The following NTN1 variants were observed in gnomAD, a reference collection of about 807,000 sequenced individuals.
NTN1 encodes the protein netrin 1, also known as netrin-1.
NTN1 carries 11 observed loss-of-function variants against 54.2 expected under a neutral mutation model. The observed-to-expected ratio is 0.20, with a 90% CI of 0.13 to 0.34. NTN1 has a LOEUF of 0.34. NTN1 is among the 10% of genes least tolerant of loss of function. The pLI, the probability that NTN1 is intolerant of heterozygous loss-of-function variation, is 1.00. For missense variants in NTN1, 740 were observed against 893.1 expected, an observed-to-expected ratio of 0.83 and a Z score of 2.18; for synonymous variants, 371 against 382.0, an observed-to-expected ratio of 0.97 and a Z score of 0.33.
At position 9,162,964 on chromosome 17, in the gene NTN1, C is replaced by T. The variant is rs1567725510; in HGVS notation, c.1170C>T (p.Asp390=). 1 of 1,613,242 alleles carries T rather than the reference C, an allele frequency of 6.2e-7. No individual in the cohort carries two copies. The highest frequency in any genetic ancestry group is 8.5e-7 in the Non-Finnish European group (1 of 1,179,628). The change falls in exon 3 of 7, where the codon GAC becomes GAT. Residue 390 remains aspartate, a synonymous_variant. Transcript: ENST00000173229. ...ACTGCAAGGAGGGCTACTACCGCGA[C>T]ATGGGCAAGCCCATCACCCACCGGA... ...CHYCKEGYYR[D]MGKPITHRKA... is the part of the protein sequence containing the mutation.
At chr17:9,238,218 G>C (rs1419820334) in intron 6 of NTN1, among the ~76,000 whole-genome samples, 1 of 152,194 alleles carries the variant, frequency 6.6e-6, no homozygotes, top group Non-Finnish European at 1.5e-5. Context: ...AAGTGGGGAA[G>C]TGATGACTGC....
intron 6 of NTN1, among the ~76,000 whole-genome samples, chr17:9,223,775 T>A (rs1415226462): frequency 1.3e-5 from 2 of 152,132 alleles, no homozygotes; most frequent in African/African-American, 4.8e-5. Context: ...CGCAGCACTG[T>A]CCTCCTAGCA....
intron 2 of NTN1, among the ~76,000 whole-genome samples, chr17:9,122,928 C>T (rs1407417665): frequency 2.0e-5 from 3 of 152,104 alleles, no homozygotes; most frequent in African/African-American, 7.2e-5. Flanking sequence ...ACCATGACTC[C>T]GTTAATCAGG....
intron 2 of NTN1, among the ~76,000 whole-genome samples, chr17:9,121,234 C>A (rs564301433): frequency 6.6e-6 from 1 of 152,284 alleles, no homozygotes; most frequent in East Asian, 1.9e-4. Context: ...CCTTCTTTTC[C>A]TAGAGGCCGT....
At chr17:9,053,071 C>A (rs2091966137) in intron 2 of NTN1, among the ~76,000 whole-genome samples, 1 of 152,204 alleles carries the variant, frequency 6.6e-6, no homozygotes, top group Non-Finnish European at 1.5e-5. Flanking sequence ...CAAACTGTAG[C>A]CCGTGGGCCA....
intron 2 of NTN1, among the ~76,000 whole-genome samples, chr17:9,124,500 A>G (rs1009941733): frequency 2.0e-5 from 3 of 152,208 alleles, no homozygotes; most frequent in Non-Finnish European, 2.9e-5. Flanking sequence ...GCAGGGCCTA[A>G]TATGGGCTTG....
chr17:9,030,637 T>C (rs185283359), intron 2 of NTN1, among the ~76,000 whole-genome samples: 1 of 151,526 alleles, frequency 6.6e-6, no homozygotes, highest in Admixed American at 6.6e-5. Context: ...CCCAGCTACT[T>C]GGGAGGCTGA....
intron 3 of NTN1, among the ~76,000 whole-genome samples, chr17:9,164,858 G>C (rs11651361): frequency 0.13 from 19,719 of 152,184 alleles, 1,805 homozygotes; most frequent in East Asian, 0.37. Context: ...TGAATGGGAA[G>C]GTGGCCCAGG....
chr17:9,221,291 C>A lies in NTN1; in HGVS notation c.1486+49C>A. On this transcript the variant is annotated intron_variant, in intron 6 of 6. Transcript: ENST00000173229. The surrounding 1 kb of genome is among the most constrained non-coding windows in gnomAD (Gnocchi z 4.5). ...GGGAGGATGGGAGGGGGCCACGTGA[C>A]CAGCGAGGTGCTGGGGCTGGGGTGC... 6.8e-7 allele frequency: 1 copy of A among 1,461,864 alleles called. No homozygotes were observed. Among genetic ancestry groups the A allele is most frequent in the Non-Finnish European group, 9.6e-7 (1 of 1,041,892 alleles). 90.6% of individuals were successfully genotyped at this position (1,461,864 alleles called of 1,614,324 possible).
chr17:9,104,988 G>A (rs2092161335), intron 2 of NTN1, among the ~76,000 whole-genome samples: 3 of 152,252 alleles, frequency 2.0e-5, no homozygotes, highest in Non-Finnish European at 4.4e-5. Flanking sequence ...AGTGGGGCAG[G>A]GGTGGGGTGA....
At chr17:9,187,654 C>CAA (rs763852001) in intron 5 of NTN1, among the ~76,000 whole-genome samples, 2,753 of 52,696 alleles carry the variant, frequency 0.052, 164 homozygotes, top group East Asian at 0.15. Flanking sequence ...CTCATCTCTC[C>CAA]AAAAAAAAAA....
chr17:9,059,796 C>G (rs1240652076), intron 2 of NTN1, among the ~76,000 whole-genome samples: 1 of 145,442 alleles, frequency 6.9e-6, no homozygotes, highest in Non-Finnish European at 1.5e-5. Flanking sequence ...TTAAATGACT[C>G]ATTTTATGTT....
chr17:9,049,825 G>A (rs1162625326), intron 2 of NTN1, among the ~76,000 whole-genome samples: 5 of 152,152 alleles, frequency 3.3e-5, no homozygotes, highest in African/African-American at 9.7e-5. Context: ...TCGATTTTCG[G>A]GTTTTGATCA....
intron 5 of NTN1, among the ~76,000 whole-genome samples, chr17:9,214,618 C>T (rs887280220): frequency 6.5e-4 from 99 of 152,256 alleles, no homozygotes; most frequent in Non-Finnish European, 1.6e-4. Flanking sequence ...GTTAGGAGAT[C>T]GAGACCATCC....
intron 4 of NTN1, among the ~76,000 whole-genome samples, chr17:9,182,545 G>A (rs1363037608): frequency 1.3e-5 from 2 of 152,340 alleles, no homozygotes; most frequent in East Asian, 3.9e-4. Context: ...GATGAGCAGG[G>A]CCCAGGTAGC....
At chr17:9,214,081 G>C (rs1412245850) in intron 5 of NTN1, among the ~76,000 whole-genome samples, 1 of 150,252 alleles carries the variant, frequency 6.7e-6, no homozygotes, top group Non-Finnish European at 1.5e-5. Context: ...TATTTTTTCT[G>C]TATTCTACTA....
At chr17:9,227,657 T>TCAA (rs137860749) in intron 6 of NTN1, among the ~76,000 whole-genome samples, 2 of 147,488 alleles carry the variant, frequency 1.4e-5, no homozygotes, top group African/African-American at 5.0e-5. Flanking sequence ...CACCATCACA[T>TCAA]ACCACACACA....
chr17:9,215,458 T>G lies in NTN1; in HGVS notation c.1412-5710T>G, dbSNP rs186799604. 1.7e-3 allele frequency among the ~76,000 whole-genome samples: 258 copies of G among 152,352 alleles called. 1 individual carries two copies. The highest frequency in any genetic ancestry group is 5.6e-3 in the African/African-American group (232 of 41,586). On this transcript the variant is annotated intron_variant, in intron 5 of 6. Transcript: ENST00000173229. Reference sequence around the variant, plus strand: ...CACAGAGATATCAATCACATCACCTTGTGTTTATGCCATCACTTTCCCCTG... The same window carrying G: ...CACAGAGATATCAATCACATCACCTGGTGTTTATGCCATCACTTTCCCCTG...
intron 2 of NTN1, among the ~76,000 whole-genome samples, chr17:9,071,701 T>G (rs2092032630): frequency 6.6e-6 from 1 of 152,190 alleles, no homozygotes; most frequent in Non-Finnish European, 1.5e-5. Context: ...CAGCATCAAA[T>G]GGAGGCTGGG....
Sources: allele counts gnomAD v4.1 joint callset (sites outside exome capture counted in the v4.1 genomes callset), GRCh38; gene constraint gnomAD v4.1.1; non-coding constraint Gnocchi (gnomAD v3.1); transcripts MANE v1.5; gene names NCBI Gene and HGNC (gene_info 2026-07-23, HGNC 2026-07-21).